Variants in RAP1GDS1 observed in about 807,000 individuals in gnomAD.
RAP1GDS1 encodes RAP1, GTP-GDP dissociation stimulator 1.
RAP1GDS1 carries 35 observed loss-of-function variants against 71.1 expected under a neutral mutation model. The ratio of observed to expected loss-of-function variants is 0.49; its 90% CI spans 0.38 to 0.65. The LOEUF is 0.65. RAP1GDS1 is among the 30% of genes least tolerant of loss of function. The probability of loss-of-function intolerance (pLI) is 0.00; values close to 1 mark genes in which losing one functional copy is unlikely to be tolerated. For synonymous variants in RAP1GDS1, 229 were observed against 243.1 expected (o/e 0.94, Z 0.54); for missense variants, 663 against 706.1 (o/e 0.94, Z 0.69).
chr4:98,358,336 T>C (rs772662299), intron 4 of RAP1GDS1, among the ~76,000 whole-genome samples: 1 of 152,076 alleles, frequency 6.6e-6, no homozygotes, highest in Non-Finnish European at 1.5e-5. Context: ...TGTACTAATC[T>C]TCAACAGAAT....
chr4:98,338,005 G>A (rs575552650), intron 2 of RAP1GDS1, among the ~76,000 whole-genome samples: 10 of 152,188 alleles, frequency 6.6e-5, no homozygotes, highest in Admixed American at 5.2e-4. Flanking sequence ...TGAAAGATGC[G>A]GACAGGGCAG....
chr4:98,362,510 T>A (rs1419608505), intron 4 of RAP1GDS1, among the ~76,000 whole-genome samples: 1 of 152,034 alleles, frequency 6.6e-6, no homozygotes, highest in Non-Finnish European at 1.5e-5. Context: ...GGTATGTCTA[T>A]TACCATTTCC....
chr4:98,346,348 TTTTA>T (rs1213284869), intron 3 of RAP1GDS1, among the ~76,000 whole-genome samples: 1 of 152,028 alleles, frequency 6.6e-6, no homozygotes, highest in African/African-American at 2.4e-5. Context: ...TCCTGTTCTG[TTTTA>T]TTTATTTTAA....
intron 4 of RAP1GDS1, among the ~76,000 whole-genome samples, chr4:98,363,478 C>CAACAA (rs1739046066): frequency 2.7e-5 from 1 of 37,734 alleles, no homozygotes; most frequent in African/African-American, 9.9e-5. Flanking sequence ...GACCCTGTCT[C>CAACAA]AAAAAAAAAA....
At chr4:98,408,514 T>C (rs1244284021) in intron 7 of RAP1GDS1, among the ~76,000 whole-genome samples, 1 of 152,078 alleles carries the variant, frequency 6.6e-6, no homozygotes, top group African/African-American at 2.4e-5. Context: ...TTCCAGAGAA[T>C]AGGAAAAGGA....
At chr4:98,309,797 T>C (rs1203570400) in intron 2 of RAP1GDS1, among the ~76,000 whole-genome samples, 1 of 151,924 alleles carries the variant, frequency 6.6e-6, no homozygotes, top group Non-Finnish European at 1.5e-5. Flanking sequence ...TATTCTCTCT[T>C]AAATCTCTAA....
At position 98,433,930 on chromosome 4, in the gene RAP1GDS1, T is replaced by C. The variant is rs1316461218; in HGVS notation, c.1441-6T>C. 6.3e-7 allele frequency: 1 copy of C among 1,597,712 alleles called. No homozygotes were observed. The highest frequency in any genetic ancestry group is 1.3e-5 in the African/African-American group (1 of 74,606). On this transcript the variant is annotated splice_polypyrimidine_tract_variant and splice_region_variant and intron_variant, in intron 12 of 14. Coordinates refer to ENST00000408927, the MANE Select transcript of RAP1GDS1 (RefSeq NM_001100427.2). ...GTCTATAATTCTCTGATATTATTTA[T>C]TGTAGGATGTAATTAAAACCATTGT... is the stretch of plus-strand genomic sequence containing the variant.
At chr4:98,391,737 C>A (rs1743707467) in intron 5 of RAP1GDS1, among the ~76,000 whole-genome samples, 1 of 152,102 alleles carries the variant, frequency 6.6e-6, no homozygotes, top group Non-Finnish European at 1.5e-5. Context: ...TTTCTAAATG[C>A]CTTTTGGTTA....
Position 98,418,742 on chromosome 4 carries a change from A to T in RAP1GDS1, c.1125A>T (p.Val375=). ...LLDRHVEDGN[V]TVQHAALSAL... is the part of the protein sequence containing the mutation. ...ACAGACATGTAGAAGATGGAAATGTAACAGTACAGCATGCAGCACTAAGTG... is the reference window on the plus strand; with the variant it reads ...ACAGACATGTAGAAGATGGAAATGTTACAGTACAGCATGCAGCACTAAGTG... Residue 375 remains valine, a synonymous_variant, in exon 10 of 15, where the codon GTA becomes GTT. Coordinates refer to ENST00000408927, the MANE Select transcript of RAP1GDS1 (RefSeq NM_001100427.2). The T allele has an allele frequency of 1.2e-6, 2 of 1,612,912 alleles. No homozygotes were observed. Among genetic ancestry groups the T allele is most frequent in the Non-Finnish European group, 1.7e-6 (2 of 1,179,440 alleles).
At chr4:98,426,670 ATTAT>A (rs1366439600) in intron 12 of RAP1GDS1, among the ~76,000 whole-genome samples, 52 of 152,138 alleles carry the variant, frequency 3.4e-4, no homozygotes, top group African/African-American at 1.2e-3. Flanking sequence ...ATCAGGAAGA[ATTAT>A]TTAGATACCC....
chr4:98,339,572 T>G (rs1030858250), intron 2 of RAP1GDS1, among the ~76,000 whole-genome samples: 4 of 152,214 alleles, frequency 2.6e-5, no homozygotes, highest in Non-Finnish European at 5.9e-5. Flanking sequence ...TTTTTGATTT[T>G]TTTTTTTAAC....
intron 2 of RAP1GDS1, among the ~76,000 whole-genome samples, chr4:98,313,119 G>A (rs997282740): frequency 3.3e-5 from 5 of 150,554 alleles, no homozygotes; most frequent in African/African-American, 1.2e-4. Flanking sequence ...ATGCAATTAT[G>A]GGGGTTGCAA....
At chr4:98,263,713 G>A (rs926128818) in intron 1 of RAP1GDS1, among the ~76,000 whole-genome samples, 2 of 152,168 alleles carry the variant, frequency 1.3e-5, no homozygotes, top group African/African-American at 4.8e-5. Context: ...TTGGCAAATT[G>A]TTGAACTTAA....
At chr4:98,299,647 T>G (rs887449929) in intron 2 of RAP1GDS1, among the ~76,000 whole-genome samples, 1 of 151,916 alleles carries the variant, frequency 6.6e-6, no homozygotes, top group African/African-American at 2.4e-5. Flanking sequence ...TTTGGTTTTT[T>G]TTTTTGAGAC....
chr4:98,420,865 C>T (rs1375453958), intron 11 of RAP1GDS1, among the ~76,000 whole-genome samples: 1 of 152,094 alleles, frequency 6.6e-6, no homozygotes, highest in Non-Finnish European at 1.5e-5. Flanking sequence ...ACAGGGAGAG[C>T]ATTTTTCTGT....
chr4:98,433,977 T>A lies in RAP1GDS1; in HGVS notation c.1482T>A (p.His494Gln). 2.5e-6 allele frequency: 4 copies of A among 1,611,076 alleles called. No individual in the cohort carries two copies. Among genetic ancestry groups the A allele is most frequent in the Non-Finnish European group, 3.4e-6 (4 of 1,177,198 alleles). The change falls in exon 13 of 15, where the codon CAT (histidine) becomes CAA (glutamine). Residue 494 changes from histidine (H) to glutamine (Q), a missense_variant. By Grantham distance (24) the His-to-Gln change is conservative (BLOSUM62 0). Coordinates refer to ENST00000408927, the MANE Select transcript of RAP1GDS1 (RefSeq NM_001100427.2). ...TTGTGCAGAGTGGTGGCATCAAGCA[T>A]CTAGTTACCATGGCAACTAGTGAAC... ...KTIVQSGGIK[H>Q]LVTMATSEHV...
At chr4:98,323,801 C>G (rs1322154683) in intron 2 of RAP1GDS1, among the ~76,000 whole-genome samples, 2 of 151,184 alleles carry the variant, frequency 1.3e-5, no homozygotes, top group African/African-American at 4.9e-5. Flanking sequence ...CTATGACAAA[C>G]CCACAGCCAA....
chr4:98,343,254 C>A lies in RAP1GDS1; in HGVS notation c.228C>A (p.Ala76=), dbSNP rs1253686479. ...AKVANIIAEV[A]KNEFMRIPCV... ...TAGCTAACATCATAGCAGAAGTAGC[C>A]AAAAATGGTGAGGTTTACCTCAAGA... Residue 76 remains alanine, a synonymous_variant, in exon 3 of 15, where the codon GCC becomes GCA. Coordinates refer to ENST00000408927, the MANE Select transcript of RAP1GDS1 (RefSeq NM_001100427.2). 1.9e-6 allele frequency: 3 copies of A among 1,603,156 alleles called. No homozygotes were observed. The Admixed American group carries it at 5.0e-5, about 27-fold the overall frequency.
At position 98,261,589 on chromosome 4, in the gene RAP1GDS1, C is replaced by T. The variant is rs756511721; in HGVS notation, c.4+20C>T. 2 of 1,598,582 alleles carry T rather than the reference C, an allele frequency of 1.3e-6. No individual in the cohort carries two copies. Among genetic ancestry groups the T allele is most frequent in the South Asian group, 2.2e-5 (2 of 89,460 alleles). On this transcript the variant is annotated intron_variant, in intron 1 of 14. Transcript: ENST00000408927. The stretch of plus-strand genomic sequence containing the variant: ...ACATGGGTAAGTCATCCTTCCTCCG[C>T]CGTCATCGCCTGACATTTTTTTCTT...
Sources: allele counts gnomAD v4.1 joint callset (sites outside exome capture counted in the v4.1 genomes callset), GRCh38; gene constraint gnomAD v4.1.1; transcripts MANE v1.5; gene names NCBI Gene and HGNC (gene_info 2026-07-23, HGNC 2026-07-21).